NLK: variants seen among roughly 807,000 people sequenced by gnomAD.
NLK encodes nemo like kinase.
Under a neutral mutation model 59.0 loss-of-function variants are expected in NLK, and 11 were observed. That is an observed-to-expected ratio of 0.19 (90% CI 0.12 to 0.31). The LOEUF is 0.31. Ranked by LOEUF, NLK falls within the 10% of genes least tolerant of loss-of-function variation. The pLI, the probability that NLK is intolerant of heterozygous loss-of-function variation, is 1.00. For missense variants in NLK, 410 were observed against 661.1 expected (o/e 0.62, Z 4.16); for synonymous variants, 235 against 235.9 (o/e 1.00, Z 0.03).
chr17:28,193,211 C>T (rs1015453035), intron 10 of NLK, among the ~76,000 whole-genome samples: 1 of 152,156 alleles, frequency 6.6e-6, no homozygotes, highest in Non-Finnish European at 1.5e-5. Flanking sequence ...ATGCAGAAAG[C>T]AGCCACTCCC....
At chr17:28,178,161 A>G (rs1302883706) in intron 7 of NLK, among the ~76,000 whole-genome samples, 1 of 152,166 alleles carries the variant, frequency 6.6e-6, no homozygotes, top group Non-Finnish European at 1.5e-5. Flanking sequence ...AGATAAGGAA[A>G]AGAGGGTTGA....
chr17:28,062,550 A>G (rs990905341), intron 1 of NLK, among the ~76,000 whole-genome samples: 1 of 152,218 alleles, frequency 6.6e-6, no homozygotes, highest in Non-Finnish European at 1.5e-5. Context: ...CATGTGTATT[A>G]TAATCTGAGT....
chr17:28,125,950 G>A (rs948186897), intron 2 of NLK, among the ~76,000 whole-genome samples: 1 of 152,144 alleles, frequency 6.6e-6, no homozygotes, highest in Non-Finnish European at 1.5e-5. Flanking sequence ...AGGAACCAAC[G>A]ACTTGGAGTT....
chr17:28,105,403 A>T (rs114575763), intron 1 of NLK, among the ~76,000 whole-genome samples: 10 of 152,148 alleles, frequency 6.6e-5, no homozygotes, highest in African/African-American at 2.4e-4. Flanking sequence ...CTTAGTTTGT[A>T]TACCAGTTTT....
intron 3 of NLK, among the ~76,000 whole-genome samples, chr17:28,142,408 C>A (rs1174258877): frequency 6.6e-6 from 1 of 152,190 alleles, no homozygotes; most frequent in Non-Finnish European, 1.5e-5. Context: ...GAAGCACAGG[C>A]ATGCTTCAGA....
intron 1 of NLK, among the ~76,000 whole-genome samples, chr17:28,043,645 A>G (rs1448584409): frequency 1.3e-5 from 2 of 152,220 alleles, no homozygotes; most frequent in South Asian, 2.1e-4. Flanking sequence ...ACTAATTCCT[A>G]CGAAGACCTT....
chr17:28,056,122 G>A (rs993256122), intron 1 of NLK, among the ~76,000 whole-genome samples: 6 of 152,182 alleles, frequency 3.9e-5, no homozygotes, highest in South Asian at 2.1e-4. Flanking sequence ...CCTGGTATGC[G>A]TGGGTGTGTT....
downstream of NLK, among the ~76,000 whole-genome samples, chr17:28,198,393 G>A (rs1281379824): frequency 6.6e-6 from 1 of 152,006 alleles, no homozygotes; most frequent in African/African-American, 2.4e-5. Flanking sequence ...GCGCAATCTC[G>A]GCTCACCACA....
intron 1 of NLK, among the ~76,000 whole-genome samples, chr17:28,090,218 A>T (rs1477136980): frequency 6.6e-6 from 1 of 152,214 alleles, no homozygotes. Context: ...TGCATAGCAT[A>T]GTAGTCTATA....
At chr17:28,153,100 C>T (rs1339446822) in intron 3 of NLK, among the ~76,000 whole-genome samples, 1 of 151,794 alleles carries the variant, frequency 6.6e-6, no homozygotes, top group African/African-American at 2.4e-5. Flanking sequence ...ATGGAGAAAC[C>T]CTATCTCTAC....
intron 1 of NLK, among the ~76,000 whole-genome samples, chr17:28,098,609 A>G (rs1467213566): frequency 6.9e-6 from 1 of 144,078 alleles, no homozygotes; most frequent in Non-Finnish European, 1.5e-5. Context: ...CCAATCACCT[A>G]TTGTTGGGCA....
At chr17:28,141,217 C>T (rs755118010) in intron 3 of NLK, among the ~76,000 whole-genome samples, 5 of 152,138 alleles carry the variant, frequency 3.3e-5, no homozygotes, top group Admixed American at 6.5e-5. Context: ...TTTCAACTCC[C>T]GTAAAAAGTA....
At chr17:28,068,131 A>C (rs1909895190) in intron 1 of NLK, among the ~76,000 whole-genome samples, 1 of 142,938 alleles carries the variant, frequency 7.0e-6, no homozygotes, top group African/African-American at 2.6e-5. Context: ...ACAGAGCGAG[A>C]CTCCGTCTCA....
At position 28,043,339 on chromosome 17, in the gene NLK, T is replaced by C; in HGVS notation, c.458+8T>C. 2 of 1,528,630 alleles carry C rather than the reference T, an allele frequency of 1.3e-6. No individual in the cohort carries two copies. Among genetic ancestry groups the C allele is most frequent in the South Asian group, 2.6e-5 (2 of 78,276 alleles). The allele number at this position is 1,528,630 out of a possible 1,614,324, so 94.7% of individuals were successfully genotyped here. On this transcript the variant is annotated splice_region_variant and intron_variant, in intron 1 of 10. Coordinates refer to ENST00000407008, the MANE Select transcript of NLK (RefSeq NM_016231.5). ...AGCCTTTGGTGTTGTCTGGTGAGTATCCAAAGAAAAACACAACCTCTCATG... is the reference window on the plus strand; with the variant it reads ...AGCCTTTGGTGTTGTCTGGTGAGTACCCAAAGAAAAACACAACCTCTCATG...
At chr17:28,166,150 C>G (rs965412368) in intron 5 of NLK, among the ~76,000 whole-genome samples, 1 of 152,146 alleles carries the variant, frequency 6.6e-6, no homozygotes, top group Non-Finnish European at 1.5e-5. Context: ...GAGAGGCAGA[C>G]GTTGCAGTGA....
intron 1 of NLK, among the ~76,000 whole-genome samples, chr17:28,094,326 C>A (rs34508168): frequency 0.017 from 2,584 of 152,292 alleles, 83 homozygotes; most frequent in African/African-American, 0.059. Context: ...TAAGAACCTA[C>A]AAGCAAGAAC....
In NLK at chr17:28,163,103, C is replaced by A. The variant is rs1908082509; in HGVS notation, c.752-440C>A. 2.6e-5 allele frequency among the ~76,000 whole-genome samples: 4 copies of A among 152,262 alleles called. No individual in the cohort carries two copies. The South Asian group carries it at 8.3e-4, about 32-fold the overall frequency. ...ATACTACTGACAGTGTGGGCAAGTT[C>A]CTGAATTTTGTTCTATCAGTGAAAC... On this transcript the variant is annotated intron_variant, in intron 4 of 10. Transcript: ENST00000407008.
intron 8 of NLK, among the ~76,000 whole-genome samples, chr17:28,186,174 A>G (rs1909108021): frequency 6.6e-6 from 1 of 152,232 alleles, no homozygotes; most frequent in South Asian, 2.1e-4. Flanking sequence ...CCACAAAATT[A>G]CCAAAGTTAT....
At chr17:28,079,932 A>G (rs965393655) in intron 1 of NLK, among the ~76,000 whole-genome samples, 1 of 152,116 alleles carries the variant, frequency 6.6e-6, no homozygotes, top group Non-Finnish European at 1.5e-5. Flanking sequence ...TTCTTCTAGG[A>G]ACTTTATTGT....
Sources: gnomAD v4.1 joint callset for allele counts (sites outside exome capture counted in the v4.1 genomes callset) on GRCh38, gnomAD v4.1.1 for gene constraint, MANE v1.5 for transcripts, NCBI Gene and HGNC (gene_info 2026-07-23, HGNC 2026-07-21) for gene names.